FRMD4A: variants seen among roughly 807,000 people sequenced by gnomAD.
FRMD4A encodes FERM domain-containing protein 4A.
A neutral mutation model predicts 129.1 loss-of-function variants in FRMD4A; 29 were observed. The ratio of observed to expected loss-of-function variants is 0.22; its 90% CI spans 0.17 to 0.31. The LOEUF (loss-of-function observed/expected upper bound fraction) is 0.31, where lower values mean the gene tolerates loss of function less well. Ranked by LOEUF, FRMD4A falls within the 10% of genes least tolerant of loss-of-function variation. FRMD4A has a pLI of 1.00. For synonymous variants in FRMD4A, 634 were observed against 571.6 expected (o/e 1.11, Z -1.56); for missense variants, 1,272 against 1,375.8 (o/e 0.92, Z 1.19).
chr10:13,915,715 A>C (rs567860807), intron 2 of FRMD4A, among the ~76,000 whole-genome samples: 27 of 151,388 alleles, frequency 1.8e-4, no homozygotes, highest in Non-Finnish European at 3.2e-4. Flanking sequence ...GACTGCACAA[A>C]GGGCTTTGTG....
At chr10:14,220,812 TTGTGTGTG>T (rs60118766) in intron 2 of FRMD4A, among the ~76,000 whole-genome samples, 3 of 45,356 alleles carry the variant, frequency 6.6e-5, no homozygotes, top group Non-Finnish European at 2.5e-4. Context: ...GTGTGTGTGT[TTGTGTGTG>T]TGTGTGTGTG....
Position 14,296,246 on chromosome 10 carries a change from C to G in FRMD4A, c.45+33812G>C, listed in dbSNP as rs1218466. Among the ~76,000 whole-genome samples the G allele has an allele frequency of 5.4e-3, 825 of 152,298 alleles. 7 individuals are homozygous for G. The highest frequency in any genetic ancestry group is 0.019 in the African/African-American group (781 of 41,560). ...AAGTAATCAAATTCTAGCCTGGCTG[C>G]TCACAGCCAGGAACACACAGATGGA... On this transcript the variant is annotated intron_variant, in intron 2 of 24. Transcript: ENST00000357447.
intron 2 of FRMD4A, among the ~76,000 whole-genome samples, chr10:14,105,289 G>C (rs1466234887): frequency 6.6e-6 from 1 of 152,048 alleles, no homozygotes; most frequent in Non-Finnish European, 1.5e-5. Flanking sequence ...TAGATGGCTG[G>C]GCATGGCGCA....
chr10:13,818,752 T>A (rs1284882538), intron 3 of FRMD4A, among the ~76,000 whole-genome samples: 1 of 152,222 alleles, frequency 6.6e-6, no homozygotes, highest in Non-Finnish European at 1.5e-5. Context: ...GTCTGATCTA[T>A]ATGAAGTACT....
chr10:14,123,489 C>A (rs527826231), intron 2 of FRMD4A, among the ~76,000 whole-genome samples: 2 of 152,332 alleles, frequency 1.3e-5, no homozygotes, highest in South Asian at 4.1e-4. Flanking sequence ...CTTCTTCCTG[C>A]ATAGGAAAAC....
Position 13,869,420 on chromosome 10 carries a change from G to A in FRMD4A, c.46-10508C>T, listed in dbSNP as rs12413379. Reference sequence around the variant, plus strand: ...CCTTCCAACCAAACAAGCTACTGGCGTGAATGATGGACAGGTGCGACAGAT... The same window carrying A: ...CCTTCCAACCAAACAAGCTACTGGCATGAATGATGGACAGGTGCGACAGAT... On this transcript the variant is annotated intron_variant, in intron 2 of 24. Transcript: ENST00000357447. 8.8e-3 allele frequency among the ~76,000 whole-genome samples: 1,342 copies of A among 152,362 alleles called. 48 individuals are homozygous for A. The highest frequency in any genetic ancestry group is 0.057 in the Admixed American group (872 of 15,306).
intron 2 of FRMD4A, among the ~76,000 whole-genome samples, chr10:14,273,159 A>C (rs1321229347): frequency 6.6e-6 from 1 of 152,116 alleles, no homozygotes; most frequent in African/African-American, 2.4e-5. Context: ...CAGGAAGCTA[A>C]GGTGGGAGGA....
chr10:13,881,993 GTGTGTGTGTGTGTGTGTGTGTGTGTGTGT>G (rs2094552233), intron 2 of FRMD4A, among the ~76,000 whole-genome samples: 8 of 146,290 alleles, frequency 5.5e-5, no homozygotes, highest in South Asian at 2.2e-4. Flanking sequence ...AGGCAAGGGT[GTGTGTGTGTGTGTGTGTGTGTGTGTGTGT>G]GTGTGTGTGT....
At chr10:14,199,298 A>G (rs1053150382) in intron 2 of FRMD4A, among the ~76,000 whole-genome samples, 3 of 126,846 alleles carry the variant, frequency 2.4e-5, no homozygotes, top group Admixed American at 2.2e-4. Context: ...TTATTTATTT[A>G]TTTATTTATT....
chr10:14,072,372 T>C (rs1184674948), intron 2 of FRMD4A, among the ~76,000 whole-genome samples: 1 of 152,224 alleles, frequency 6.6e-6, no homozygotes, highest in African/African-American at 2.4e-5. Flanking sequence ...ACCGTGGCTA[T>C]ACCATTTTGG....
intron 2 of FRMD4A, among the ~76,000 whole-genome samples, chr10:14,112,469 T>C (rs560994398): frequency 1.1e-4 from 16 of 152,300 alleles, no homozygotes; most frequent in African/African-American, 3.9e-4. Context: ...TAACAATAGC[T>C]CCACCAGGAC....
intron 2 of FRMD4A, among the ~76,000 whole-genome samples, chr10:14,243,808 T>C (rs1844136465): frequency 6.8e-6 from 1 of 147,026 alleles, no homozygotes; most frequent in African/African-American, 2.5e-5. Context: ...AATGACACTT[T>C]GTTATGTATA....
Position 13,740,503 on chromosome 10 carries a change from GC to G in FRMD4A, c.614+8del. 1 of 1,525,054 alleles carries G rather than the reference GC, an allele frequency of 6.6e-7. No individual in the cohort carries two copies. The highest frequency in any genetic ancestry group is 9.1e-7 in the Non-Finnish European group (1 of 1,101,222). 94.5% of individuals were successfully genotyped at this position (1,525,054 alleles called of 1,614,324 possible). A position where few individuals can be genotyped will look rare whatever the true frequency, so the allele number is the denominator to read the frequency against. ...CTGTCCCCATGTGAGCTGGGAAGGG[GC>G]CACTTACTTTACGATTGCTTGACCT... On this transcript the variant is annotated splice_region_variant and intron_variant, in intron 10 of 24. Coordinates refer to ENST00000357447, the MANE Select transcript of FRMD4A (RefSeq NM_018027.5).
chr10:13,855,026 T>C (rs1354689556), intron 3 of FRMD4A, among the ~76,000 whole-genome samples: 1 of 152,172 alleles, frequency 6.6e-6, no homozygotes, highest in African/African-American at 2.4e-5. Context: ...ATGTCACTCT[T>C]GACTGTTTGC....
At chr10:14,277,620 A>T (rs1845385906) in intron 2 of FRMD4A, among the ~76,000 whole-genome samples, 1 of 152,256 alleles carries the variant, frequency 6.6e-6, no homozygotes, top group Non-Finnish European at 1.5e-5. Flanking sequence ...AGCCCGAACA[A>T]ACCAAGACAG....
chr10:13,759,804 A>G (rs2091998383), intron 8 of FRMD4A, among the ~76,000 whole-genome samples: 1 of 152,214 alleles, frequency 6.6e-6, no homozygotes, highest in Non-Finnish European at 1.5e-5. Flanking sequence ...AGCTACTTAC[A>G]GTCATTATCT....
intron 2 of FRMD4A, among the ~76,000 whole-genome samples, chr10:14,193,683 A>G (rs1364679650): frequency 7.7e-6 from 1 of 130,518 alleles, no homozygotes; most frequent in Non-Finnish European, 1.6e-5. Flanking sequence ...GCTGGTCTAC[A>G]AATTAAAAAA....
At chr10:13,652,083 G>A in intron 23 of FRMD4A, 109 bp from the exon 24 acceptor site, 1 of 743,324 alleles carries the variant, frequency 1.3e-6, no homozygotes, top group Non-Finnish European at 2.5e-6. Context: ...CGAAAGGCTT[G>A]CTGATTAGAC....
Position 14,172,423 on chromosome 10 carries a change from G to T in FRMD4A, c.45+157635C>A, listed in dbSNP as rs1205538382. 1.6e-4 allele frequency among the ~76,000 whole-genome samples: 25 copies of T among 152,166 alleles called. No homozygotes were observed. The South Asian group carries it at 3.5e-3, about 22-fold the overall frequency. The stretch of plus-strand genomic sequence containing the variant: ...ACTCACTGACATCCATTTCTCCCCC[G>T]ACTATAGCATGCCATTTTAATCGGC... On this transcript the variant is annotated intron_variant, in intron 2 of 24. Transcript: ENST00000357447.
Sources: allele counts gnomAD v4.1 joint callset (sites outside exome capture counted in the v4.1 genomes callset), GRCh38; gene constraint gnomAD v4.1.1; transcripts MANE v1.5; gene names NCBI Gene and HGNC (gene_info 2026-07-23, HGNC 2026-07-21).